Variants in PCCB observed in about 807,000 individuals in gnomAD.
PCCB encodes the protein propionyl-CoA carboxylase subunit beta.
In PCCB, 43 loss-of-function variants were observed where a neutral mutation model predicts 60.7. The observed-to-expected ratio is 0.71, with a 90% CI of 0.55 to 0.91. PCCB has a LOEUF of 0.91. PCCB is among the 40% of genes least tolerant of loss of function. The probability of loss-of-function intolerance (pLI) is 0.00; values close to 1 mark genes in which losing one functional copy is unlikely to be tolerated. For missense variants in PCCB, 766 were observed against 702.8 expected (o/e 1.09, Z -1.02); for synonymous variants, 276 against 255.9 (o/e 1.08, Z -0.75).
chr3:136,308,743 C>G (rs1467104128), intron 9 of PCCB, among the ~76,000 whole-genome samples: 4 of 152,102 alleles, frequency 2.6e-5, no homozygotes, highest in African/African-American at 4.8e-5. Flanking sequence ...TGTGAAACAA[C>G]ATTGCTTAAA....
At chr3:136,296,902 C>G (rs567434417) in intron 7 of PCCB, among the ~76,000 whole-genome samples, 1 of 152,328 alleles carries the variant, frequency 6.6e-6, no homozygotes, top group African/African-American at 2.4e-5. Flanking sequence ...GCTAGGAATA[C>G]ATCTGTGGAC....
At chr3:136,258,232 A>G (rs1941728098) in intron 3 of PCCB, among the ~76,000 whole-genome samples, 1 of 152,202 alleles carries the variant, frequency 6.6e-6, no homozygotes, top group South Asian at 2.1e-4. Context: ...ACCACCTCTT[A>G]TGCTCATGTG....
At chr3:136,316,723 A>G (rs1461006472) in intron 9 of PCCB, among the ~76,000 whole-genome samples, 2 of 152,116 alleles carry the variant, frequency 1.3e-5, no homozygotes, top group Non-Finnish European at 2.9e-5. Flanking sequence ...TGGTGTGTCC[A>G]TCTTAGCAGC....
chr3:136,327,435 G>C (rs1256104971), intron 12 of PCCB, among the ~76,000 whole-genome samples, 180 bp downstream of exon 12: 1 of 152,194 alleles, frequency 6.6e-6, no homozygotes, highest in African/African-American at 2.4e-5. Context: ...TAACACAGGG[G>C]AACTGAAGGC....
chr3:136,271,190 T>G (rs565929857), intron 5 of PCCB, among the ~76,000 whole-genome samples: 75 of 152,308 alleles, frequency 4.9e-4, no homozygotes, highest in Non-Finnish European at 3.2e-4. Flanking sequence ...ATGGATTTTT[T>G]GCCTGGGCCA....
intron 10 of PCCB, among the ~76,000 whole-genome samples, chr3:136,321,913 A>G (rs1366514553): frequency 6.6e-6 from 1 of 152,170 alleles, no homozygotes; most frequent in African/African-American, 2.4e-5. Context: ...TGTATGGACA[A>G]TTTTGTCATC....
chr3:136,289,788 A>T (rs867826323), intron 6 of PCCB, among the ~76,000 whole-genome samples: 8 of 83,110 alleles, frequency 9.6e-5, no homozygotes, highest in African/African-American at 1.3e-4. Flanking sequence ...AACATGTTAT[A>T]CTTTTTTTTT....
intron 5 of PCCB, among the ~76,000 whole-genome samples, chr3:136,273,525 A>G (rs1280956073): frequency 2.7e-5 from 4 of 147,152 alleles, no homozygotes; most frequent in African/African-American, 5.0e-5. Flanking sequence ...CAGGATTATA[A>G]TATCTTTTTG....
At chr3:136,256,098 A>C (rs1181694083) in intron 2 of PCCB, 123 bp downstream of exon 2, 3 of 1,392,034 alleles carry the variant, frequency 2.2e-6, no homozygotes, top group Non-Finnish European at 3.0e-6. Context: ...TGCAGACATC[A>C]AGCCCAGATA....
chr3:136,260,208 G>A lies in PCCB; in HGVS notation c.373-271G>A, dbSNP rs1015580122. On this transcript the variant is annotated intron_variant, in intron 3 of 14. Coordinates refer to ENST00000251654, the MANE Select transcript of PCCB (RefSeq NM_000532.5). ...CCTGCCTCAGCCTCCCGAGTAGCTGGGATTCCAGGCATGTGCCACCATGCG... is the reference window on the plus strand; with the variant it reads ...CCTGCCTCAGCCTCCCGAGTAGCTGAGATTCCAGGCATGTGCCACCATGCG... 5 of 496,852 alleles carry A rather than the reference G, an allele frequency of 1.0e-5. No homozygotes were observed. In the East Asian group the frequency reaches 2.0e-4, roughly 20 times the overall value. 30.8% of individuals were successfully genotyped at this position (496,852 alleles called of 1,614,324 possible).
intron 4 of PCCB, among the ~76,000 whole-genome samples, chr3:136,261,480 C>T (rs752861031): frequency 2.6e-5 from 4 of 152,144 alleles, no homozygotes; most frequent in Non-Finnish European, 2.9e-5. Flanking sequence ...ATTATGCTGT[C>T]GGAATTACTA....
At position 136,303,034 on chromosome 3, in the gene PCCB, T is replaced by C. The variant is rs946652728; in HGVS notation, c.966+1923T>C. Reference sequence around the variant, plus strand: ...AGGTGTTTGAGGCTGTTCTGAGTTATGATCATTGCCACTGCACTCCATCCT... The same window carrying C: ...AGGTGTTTGAGGCTGTTCTGAGTTACGATCATTGCCACTGCACTCCATCCT... On this transcript the variant is annotated intron_variant, in intron 9 of 14. Transcript: ENST00000251654. 2.4e-5 allele frequency among the ~76,000 whole-genome samples: 3 copies of C among 122,738 alleles called. 1 individual carries two copies. Among genetic ancestry groups the C allele is most frequent in the Non-Finnish European group, 5.5e-5 (3 of 55,002 alleles). The allele number at this position is 122,738 out of a possible 152,430, so 80.5% of individuals were successfully genotyped here.
At chr3:136,310,416 G>C (rs9866840) in intron 9 of PCCB, among the ~76,000 whole-genome samples, 29,828 of 151,952 alleles carry the variant, frequency 0.2, 3,256 homozygotes, top group Non-Finnish European at 0.24. Context: ...CCAGCTACTG[G>C]GGAGGCCAAG....
intron 10 of PCCB, among the ~76,000 whole-genome samples, chr3:136,320,902 C>T (rs1935084697): frequency 6.6e-6 from 1 of 152,182 alleles, no homozygotes; most frequent in South Asian, 2.1e-4. Context: ...TCTTGTTCCT[C>T]ATGTTAAGGG....
chr3:136,270,874 G>A (rs919558128), intron 5 of PCCB, among the ~76,000 whole-genome samples: 5 of 151,948 alleles, frequency 3.3e-5, no homozygotes, highest in South Asian at 2.1e-4. Flanking sequence ...GTTTTCATTT[G>A]CATTTTCCTG....
chr3:136,323,714 G>A lies in PCCB; in HGVS notation c.1091-3089G>A, dbSNP rs530926841. On this transcript the variant is annotated intron_variant, in intron 10 of 14. Transcript: ENST00000251654. Reference sequence around the variant, plus strand: ...GCAGGAGAATCACATGAACCTGGGAGGCAGAGCTTGCAGTGAGCTGAGATG... The same window carrying A: ...GCAGGAGAATCACATGAACCTGGGAAGCAGAGCTTGCAGTGAGCTGAGATG... Among the ~76,000 whole-genome samples, 86 of 152,028 alleles carry A rather than the reference G, an allele frequency of 5.7e-4. 1 individual carries two copies. Among genetic ancestry groups the A allele is most frequent in the African/African-American group, 1.5e-3 (62 of 41,454 alleles).
At chr3:136,288,643 C>T (rs1044635580) in intron 6 of PCCB, among the ~76,000 whole-genome samples, 2 of 149,402 alleles carry the variant, frequency 1.3e-5, no homozygotes, top group South Asian at 4.3e-4. Flanking sequence ...AGCACCTGGT[C>T]TATAAAAATG....
chr3:136,304,312 A>G (rs1385096694), intron 9 of PCCB, among the ~76,000 whole-genome samples: 1 of 119,154 alleles, frequency 8.4e-6, no homozygotes, highest in Non-Finnish European at 1.9e-5. Context: ...ATGCCACCAC[A>G]TCTGGCTAAT....
intron 7 of PCCB, 149 bp from the exon 8 acceptor site, chr3:136,297,803 C>A: frequency 1.2e-6 from 1 of 835,810 alleles, no homozygotes; most frequent in Non-Finnish European, 2.1e-6. Flanking sequence ...TATTATGTGG[C>A]ATTACATCCT....
Sources: allele counts gnomAD v4.1 joint callset (sites outside exome capture counted in the v4.1 genomes callset), GRCh38; gene constraint gnomAD v4.1.1; transcripts MANE v1.5; gene names NCBI Gene and HGNC (gene_info 2026-07-23, HGNC 2026-07-21).